WDR45B: variants seen among roughly 807,000 people sequenced by gnomAD.
WDR45B encodes WD repeat domain phosphoinositide-interacting protein 3.
WDR45B carries 20 observed loss-of-function variants against 44.6 expected under a neutral mutation model. The observed-to-expected ratio is 0.45, with a 90% CI of 0.32 to 0.65. WDR45B has a LOEUF of 0.65. Among genes scored for constraint, WDR45B ranks in the 30% least tolerant of loss-of-function variants. The pLI is 0.05. For missense variants in WDR45B, 323 were observed against 430.2 expected, an observed-to-expected ratio of 0.75 and a Z score of 2.20; for synonymous variants, 169 against 164.9, an observed-to-expected ratio of 1.02 and a Z score of -0.19.
chr17:82,625,153 T>C (rs62079702), intron 5 of WDR45B, among the ~76,000 whole-genome samples: 22,214 of 152,054 alleles, frequency 0.15, 2,076 homozygotes, highest in East Asian at 0.27. Context: ...TGAGAGCCCA[T>C]AGTCACTGGG....
intron 8 of WDR45B, 72 bp downstream of exon 8, chr17:82,617,224 C>A: frequency 7.0e-7 from 1 of 1,425,464 alleles, no homozygotes; most frequent in Non-Finnish European, 9.8e-7. Flanking sequence ...GGGGGCCTGT[C>A]CCGTCCACAC....
At chr17:82,634,075 C>T (rs1039656377) in intron 2 of WDR45B, among the ~76,000 whole-genome samples, 10 of 133,998 alleles carry the variant, frequency 7.5e-5, no homozygotes, top group Middle Eastern at 4.3e-3. Flanking sequence ...CGCTTGAACC[C>T]GGGAAGCGGA....
Position 82,648,417 on chromosome 17 carries a change from C to A in WDR45B, c.-77G>T. On this transcript the variant is annotated 5_prime_UTR_variant, in exon 1 of 10. Transcript: ENST00000392325. ...GGACGGCGGCCTGGTCCCTTCGGGCCGGCGCTGAGGCCGCCGCGGCCGGAA... is the reference window on the plus strand; with the variant it reads ...GGACGGCGGCCTGGTCCCTTCGGGCAGGCGCTGAGGCCGCCGCGGCCGGAA... 5.2e-6 allele frequency: 8 copies of A among 1,546,444 alleles called. No individual in the cohort carries two copies. Among genetic ancestry groups the A allele is most frequent in the Admixed American group, 1.8e-5 (1 of 54,576 alleles).
At position 82,615,175 on chromosome 17, in the gene WDR45B, C is replaced by T. The variant is rs2045514543; in HGVS notation, c.*744G>A. 6.5e-6 allele frequency: 1 copy of T among 152,694 alleles called. No individual in the cohort carries two copies. Among genetic ancestry groups the T allele is most frequent in the Non-Finnish European group, 1.5e-5 (1 of 68,424 alleles). The allele number at this position is 152,694 out of a possible 1,614,324, so 9.5% of individuals were successfully genotyped here. On this transcript the variant is annotated 3_prime_UTR_variant, in exon 10 of 10. Coordinates refer to ENST00000392325, the MANE Select transcript of WDR45B (RefSeq NM_019613.4). The stretch of plus-strand genomic sequence containing the variant: ...AATCCAAAATGTAACCAGGAGACCC[C>T]CCGTCCCCGCCCCGCACACGCCTGA...
rs142566047 is a variant in WDR45B at position 82,630,863 on chromosome 17, C to CA, written c.244+57dup. ...ACATGGCCACAAACATAAACGCATT[C>CA]AAAAAAAGACTGGGTGGGACACGTG... On this transcript the variant is annotated intron_variant, in intron 3 of 9. Coordinates refer to ENST00000392325, the MANE Select transcript of WDR45B (RefSeq NM_019613.4). 6,922 of 1,512,520 alleles carry CA rather than the reference C, an allele frequency of 4.6e-3. 264 individuals carry two copies. In the African/African-American group the frequency reaches 0.082, roughly 18 times the overall value. 93.7% of individuals were successfully genotyped at this position (1,512,520 alleles called of 1,614,324 possible). A position where few individuals can be genotyped will look rare whatever the true frequency, so the allele number is the denominator to read the frequency against.
At chr17:82,645,805 T>C (rs2045968537) in intron 1 of WDR45B, among the ~76,000 whole-genome samples, 1 of 152,168 alleles carries the variant, frequency 6.6e-6, no homozygotes, top group South Asian at 2.1e-4. Flanking sequence ...TTGTTGTATG[T>C]CTGCACAAAA....
chr17:82,631,395 T>G (rs1383570177), intron 2 of WDR45B, among the ~76,000 whole-genome samples: 1 of 147,296 alleles, frequency 6.8e-6, no homozygotes, highest in African/African-American at 2.5e-5. Flanking sequence ...GCCACTCTCC[T>G]GCCTCAGCCT....
chr17:82,616,182 G>A (rs1307750595), intron 9 of WDR45B, among the ~76,000 whole-genome samples, 157 bp from the exon 10 acceptor site: 2 of 152,164 alleles, frequency 1.3e-5, no homozygotes, highest in African/African-American at 2.4e-5. Context: ...GCGTTCGGTC[G>A]GCACCGTGGC....
At chr17:82,635,397 A>G (rs1374657142) in intron 2 of WDR45B, among the ~76,000 whole-genome samples, 1 of 150,788 alleles carries the variant, frequency 6.6e-6, no homozygotes, top group African/African-American at 2.5e-5. Context: ...AAAGTTATTA[A>G]TGCTTGATTA....
At chr17:82,646,191 A>G (rs541466929) in intron 1 of WDR45B, among the ~76,000 whole-genome samples, 1 of 151,650 alleles carries the variant, frequency 6.6e-6, no homozygotes, top group Non-Finnish European at 1.5e-5. Context: ...CATGATGTTG[A>G]GTAAGAAACC....
intron 1 of WDR45B, among the ~76,000 whole-genome samples, chr17:82,647,881 A>T (rs1237495688): frequency 6.6e-6 from 1 of 151,596 alleles, no homozygotes; most frequent in Non-Finnish European, 1.5e-5. Flanking sequence ...GAAAATCCCG[A>T]TAACCGTGGA....
At chr17:82,645,091 T>C (rs1324901683) in intron 1 of WDR45B, among the ~76,000 whole-genome samples, 1 of 151,202 alleles carries the variant, frequency 6.6e-6, no homozygotes, top group Non-Finnish European at 1.5e-5. Context: ...AGATCAGGAG[T>C]TCGAGACCAG....
chr17:82,627,010 T>C, intron 4 of WDR45B, 194 bp downstream of exon 4: 1 of 631,802 alleles, frequency 1.6e-6, no homozygotes, highest in Non-Finnish European at 2.8e-6. Context: ...AGCGGAGCCC[T>C]GGAAACAAAC....
At chr17:82,618,137 C>T (rs2045564562) in intron 7 of WDR45B, among the ~76,000 whole-genome samples, 2 of 152,182 alleles carry the variant, frequency 1.3e-5, no homozygotes, top group South Asian at 4.1e-4. Context: ...GCCATGCTGG[C>T]CAGGCTGGTC....
At chr17:82,633,116 T>C (rs796104525) in intron 2 of WDR45B, among the ~76,000 whole-genome samples, 5 of 148,360 alleles carry the variant, frequency 3.4e-5, no homozygotes, top group African/African-American at 7.5e-5. Context: ...TGAGCAAGGA[T>C]TGCACCACTG....
chr17:82,648,319 G>A lies in WDR45B; in HGVS notation c.22C>T (p.Pro8Ser), dbSNP rs1598284856. 6.2e-7 allele frequency: 1 copy of A among 1,606,962 alleles called. No individual in the cohort carries two copies. The highest frequency in any genetic ancestry group is 8.5e-7 in the Non-Finnish European group (1 of 1,178,028). MNLLPCN[P>S]HGNGLLYAGF... is the part of the protein sequence containing the mutation. ...GCGTAGAGCAGCCCGTTGCCGTGAGGGTTACACGGCAGGAGGTTCATGGCG... is the reference window on the plus strand; with the variant it reads ...GCGTAGAGCAGCCCGTTGCCGTGAGAGTTACACGGCAGGAGGTTCATGGCG... The change falls in exon 1 of 10, where the codon CCT (proline) becomes TCT (serine). Residue 8 changes from proline to serine, a missense_variant. By Grantham distance (74) the Pro-to-Ser change is moderately conservative. Coordinates refer to ENST00000392325, the MANE Select transcript of WDR45B (RefSeq NM_019613.4).
chr17:82,615,598 G>A lies in WDR45B; in HGVS notation c.*321C>T, dbSNP rs1598254792. ...TCCACCCTCTCAGCCCAGTCCCCAG[G>A]TCCGTATGGAGCCCCCGTCAGTGTG... On this transcript the variant is annotated 3_prime_UTR_variant, in exon 10 of 10. Transcript: ENST00000392325. The A allele has an allele frequency of 9.4e-6, 4 of 424,638 alleles. No individual in the cohort carries two copies. The East Asian group carries it at 2.0e-4, about 21-fold the overall frequency. 26.3% of individuals were successfully genotyped at this position (424,638 alleles called of 1,614,324 possible).
chr17:82,644,490 C>T (rs559421712), intron 1 of WDR45B: 10 of 211,620 alleles, frequency 4.7e-5, no homozygotes, highest in East Asian at 2.2e-4. Context: ...GGTGGTCTCC[C>T]GTGACTTTGC....
rs764948333 is a variant in WDR45B at position 82,648,384 on chromosome 17, C to T, written c.-44G>A. 4 of 1,593,316 alleles carry T rather than the reference C, an allele frequency of 2.5e-6. No individual in the cohort carries two copies. In the East Asian group the frequency reaches 6.9e-5, roughly 28 times the overall value. ...CGCCGCTCCTCAGCGCTGCATGCCT[C>T]TCGCTGGGGACGGCGGCCTGGTCCC... On this transcript the variant is annotated 5_prime_UTR_variant, in exon 1 of 10. Transcript: ENST00000392325.
Sources: allele counts gnomAD v4.1 joint callset (sites outside exome capture counted in the v4.1 genomes callset), GRCh38; gene constraint gnomAD v4.1.1; transcripts MANE v1.5; gene names NCBI Gene and HGNC (gene_info 2026-07-23, HGNC 2026-07-21).